Variants in APPL1 observed in about 807,000 individuals in gnomAD.
The protein encoded by APPL1 is adaptor protein, phosphotyrosine interacting with PH domain and leucine zipper 1, also known as DCC-interacting protein 13-alpha.
In APPL1, 42 loss-of-function variants were observed where a neutral mutation model predicts 106.8. The ratio of observed to expected loss-of-function variants is 0.39; its 90% CI spans 0.31 to 0.51. The LOEUF is 0.51. APPL1 is among the 20% of genes least tolerant of loss of function. The pLI is 0.75. For synonymous variants in APPL1, 263 were observed against 281.8 expected (o/e 0.93, Z 0.67); for missense variants, 769 against 858.2 (o/e 0.90, Z 1.30).
At position 57,272,561 on chromosome 3, in the gene APPL1, A is replaced by T. The variant is rs2060949811; in HGVS notation, c.*2874A>T. The T allele has an allele frequency of 6.6e-6, 1 of 152,104 alleles. No individual in the cohort carries two copies. Among genetic ancestry groups the T allele is most frequent in the Non-Finnish European group, 1.5e-5 (1 of 68,032 alleles). 9.4% of individuals were successfully genotyped at this position (152,104 alleles called of 1,614,324 possible). On this transcript the variant is annotated 3_prime_UTR_variant, in exon 22 of 22. Transcript: ENST00000288266. Reference sequence around the variant, plus strand: ...CCTATTAATGCTGAGAGATCCTAAGAGCTAGTATGTTGTAAAACCTGCCAC... The same window carrying T: ...CCTATTAATGCTGAGAGATCCTAAGTGCTAGTATGTTGTAAAACCTGCCAC...
Position 57,268,403 on chromosome 3 carries a change from T to C in APPL1, c.1899T>C (p.Arg633=), listed in dbSNP as rs775676635. 38 of 1,574,362 alleles carry C rather than the reference T, an allele frequency of 2.4e-5. No homozygotes were observed. The highest frequency in any genetic ancestry group is 3.0e-5 in the Non-Finnish European group (35 of 1,152,026). ...KQIALHAELD[R]RASEKQKEIE... The stretch of plus-strand genomic sequence containing the variant: ...TTTATTCATCTGTTCTTTAGGATCG[T>C]AGGGCATCAGAAAAACAAAAAGAAA... The change falls in exon 21 of 22, where the codon CGT becomes CGC. Residue 633 remains arginine, a synonymous_variant. Transcript: ENST00000288266.
chr3:57,248,792 C>T (rs1206811033), intron 10 of APPL1, among the ~76,000 whole-genome samples: 6 of 151,936 alleles, frequency 3.9e-5, no homozygotes, highest in South Asian at 2.1e-4. Flanking sequence ...ATCACTTGAA[C>T]ATGGGAGGCA....
chr3:57,238,180 C>T, intron 4 of APPL1, 64 bp downstream of exon 4: 1 of 1,236,754 alleles, frequency 8.1e-7, no homozygotes, highest in Non-Finnish European at 1.1e-6. Context: ...AGTTGCTTAG[C>T]TTTTATTTTA....
intron 19 of APPL1, among the ~76,000 whole-genome samples, chr3:57,263,757 C>A (rs1226840629): frequency 6.7e-6 from 1 of 148,972 alleles, no homozygotes; most frequent in African/African-American, 2.5e-5. Context: ...TTTATCCATT[C>A]ATCTGTTGTT....
At position 57,227,883 on chromosome 3, in the gene APPL1, G is replaced by T; in HGVS notation, c.-1G>T. ...CCTGCCACCGCCCTCCCTCCGCCAC[G>T]ATGCCGGGGATCGACAAGCTGCCCA... On this transcript the variant is annotated 5_prime_UTR_variant, in exon 1 of 22. Transcript: ENST00000288266. The T allele has an allele frequency of 6.8e-7, 1 of 1,466,080 alleles. No homozygotes were observed. Among genetic ancestry groups the T allele is most frequent in the Non-Finnish European group, 9.0e-7 (1 of 1,106,542 alleles). 90.8% of individuals were successfully genotyped at this position (1,466,080 alleles called of 1,614,324 possible).
At chr3:57,259,004 C>T (rs766453190) in intron 15 of APPL1, 24 bp from the exon 16 acceptor site, 1 of 1,589,048 alleles carries the variant, frequency 6.3e-7, no homozygotes, top group South Asian at 1.1e-5. Context: ...ACCATGTGTT[C>T]ATATTTTCTT....
Position 57,254,774 on chromosome 3 carries a change from G to A in APPL1, c.1152+1036G>A, listed in dbSNP as rs188320762. On this transcript the variant is annotated intron_variant, in intron 13 of 21. Transcript: ENST00000288266. ...TGAGTGGCTGGGACTACAGGCCTGCGCCACCATGCCCAGCCAATTTTTGTA... is the reference window on the plus strand; with the variant it reads ...TGAGTGGCTGGGACTACAGGCCTGCACCACCATGCCCAGCCAATTTTTGTA... Among the ~76,000 whole-genome samples, 65 of 152,216 alleles carry A rather than the reference G, an allele frequency of 4.3e-4. 3 individuals carry two copies. In the East Asian group the frequency reaches 0.01, roughly 24 times the overall value.
rs993116935 is a variant in APPL1 at position 57,245,184 on chromosome 3, G to T, written c.475-892G>T. 3.3e-5 allele frequency among the ~76,000 whole-genome samples: 5 copies of T among 152,292 alleles called. No individual in the cohort carries two copies. The East Asian group carries it at 9.6e-4, about 29-fold the overall frequency. On this transcript the variant is annotated intron_variant, in intron 7 of 21. Transcript: ENST00000288266. ...GAGTCATTGAGTCATTGGTGTATTG[G>T]AATATTAGAATATTCTTCGTACTTG...
At chr3:57,240,404 C>A in intron 4 of APPL1, 61 bp from the exon 5 acceptor site, 1 of 1,293,988 alleles carries the variant, frequency 7.7e-7, no homozygotes, top group Non-Finnish European at 1.1e-6. Context: ...GTTTAATTTA[C>A]ATAACACTGG....
At chr3:57,231,409 G>A (rs1489283704) in intron 1 of APPL1, among the ~76,000 whole-genome samples, 1 of 149,174 alleles carries the variant, frequency 6.7e-6, no homozygotes, top group Non-Finnish European at 1.5e-5. Flanking sequence ...GGCCAGGCTA[G>A]TCTTGAACTC....
intron 11 of APPL1, among the ~76,000 whole-genome samples, chr3:57,250,395 C>G (rs2107604017): frequency 6.6e-6 from 1 of 152,282 alleles, no homozygotes; most frequent in Non-Finnish European, 1.5e-5. Flanking sequence ...CTGCTTTAGC[C>G]TCCCAAAGTG....
At chr3:57,229,699 CTTTTTTTTTTTTT>C (rs753258836) in intron 1 of APPL1, among the ~76,000 whole-genome samples, 2,225 of 93,120 alleles carry the variant, frequency 0.024, 99 homozygotes, top group African/African-American at 0.096. Context: ...ACTGTGCCAG[CTTTTTTTTTTTTT>C]TTTTTTTTTT....
At chr3:57,264,549 TATTTAAAAAA>T (rs1277997558) in intron 19 of APPL1, among the ~76,000 whole-genome samples, 1 of 150,262 alleles carries the variant, frequency 6.7e-6, no homozygotes, top group Non-Finnish European at 1.5e-5. Flanking sequence ...ATTTTAATTA[TATTTAAAAAA>T]ATTTAAAAAA....
intron 1 of APPL1, among the ~76,000 whole-genome samples, chr3:57,229,107 C>A (rs1469625954): frequency 6.6e-6 from 1 of 152,176 alleles, no homozygotes; most frequent in Non-Finnish European, 1.5e-5. Context: ...CTCTTAACAG[C>A]TGATAGTGAC....
At chr3:57,231,897 A>G (rs72875891) in intron 1 of APPL1, among the ~76,000 whole-genome samples, 7,130 of 152,066 alleles carry the variant, frequency 0.047, 580 homozygotes, top group African/African-American at 0.16. Context: ...TATAGTAACT[A>G]CGTATTAAAT....
At chr3:57,257,101 T>G (rs1052532322) in intron 14 of APPL1, 50 bp downstream of exon 14, 19 of 1,584,668 alleles carry the variant, frequency 1.2e-5, no homozygotes, top group Non-Finnish European at 1.6e-5. Context: ...CTATTTAAAG[T>G]ATCTGTGATC....
intron 9 of APPL1, among the ~76,000 whole-genome samples, 163 bp from the exon 10 acceptor site, chr3:57,248,030 A>C (rs1352894233): frequency 6.6e-6 from 1 of 151,940 alleles, no homozygotes; most frequent in African/African-American, 2.4e-5. Context: ...AGTTTCAAAT[A>C]AACTGTAAAC....
At position 57,273,180 on chromosome 3, in the gene APPL1, T is replaced by C. The variant is rs2060957906; in HGVS notation, c.*3493T>C. 1 of 152,624 alleles carries C rather than the reference T, an allele frequency of 6.6e-6. No homozygotes were observed. The highest frequency in any genetic ancestry group is 2.1e-4 in the South Asian group (1 of 4,826). The allele number at this position is 152,624 out of a possible 1,614,324, so 9.5% of individuals were successfully genotyped here. A position where few individuals can be genotyped will look rare whatever the true frequency, so the allele number is the denominator to read the frequency against. ...GTTAAGTTGTAACTAATATGCAAAATTGCTTTGTATATTTGGTGATTTTGT... is the reference window on the plus strand; with the variant it reads ...GTTAAGTTGTAACTAATATGCAAAACTGCTTTGTATATTTGGTGATTTTGT... On this transcript the variant is annotated 3_prime_UTR_variant, in exon 22 of 22. Transcript: ENST00000288266.
At chr3:57,240,040 T>A (rs1289311906) in intron 4 of APPL1, among the ~76,000 whole-genome samples, 4 of 152,058 alleles carry the variant, frequency 2.6e-5, no homozygotes, top group African/African-American at 9.7e-5. Context: ...TTTAAATTGG[T>A]TGTCTTTTTA....
Sources: gnomAD v4.1 joint callset for allele counts (sites outside exome capture counted in the v4.1 genomes callset) on GRCh38, gnomAD v4.1.1 for gene constraint, MANE v1.5 for transcripts, NCBI Gene and HGNC (gene_info 2026-07-23, HGNC 2026-07-21) for gene names.